The following DRC11L variants were observed in gnomAD, a reference collection of about 807,000 sequenced individuals.
The protein encoded by DRC11L is dynein regulatory complex subunit like-11.
the DRC11L span, among the ~76,000 whole-genome samples, chr7:151,199,893 G>A: frequency 1.3e-5 from 2 of 152,382 alleles, no homozygotes; most frequent in South Asian, 4.1e-4. This position sits in a 1 kb window ranked among gnomAD's most constrained non-coding sequence, Gnocchi z 5.2. Flanking sequence ...GATTCAAGGA[G>A]CCAGGCCTAC....
chr7:151,204,671 G>A, the DRC11L span: 19,947 of 399,010 alleles, frequency 0.05, 794 homozygotes, highest in East Asian at 0.15. Flanking sequence ...GGTCATAGAC[G>A]GTGTCGAAGC....
chr7:151,196,620 T>G, the DRC11L span: 1 of 399,500 alleles, frequency 2.5e-6, no homozygotes, highest in African/African-American at 2.1e-5. Flanking sequence ...CATGCATTCA[T>G]GCGTGCACAA....
the DRC11L span, among the ~76,000 whole-genome samples, chr7:151,199,221 T>C: frequency 6.6e-6 from 1 of 152,106 alleles, no homozygotes; most frequent in African/African-American, 2.4e-5. This position sits in a 1 kb window ranked among gnomAD's most constrained non-coding sequence, Gnocchi z 5.2. Context: ...TAAATTACTC[T>C]AATAATGAGT....
the DRC11L span, chr7:151,204,760 G>A: frequency 5.0e-6 from 2 of 398,968 alleles, no homozygotes; most frequent in African/African-American, 2.1e-5. Context: ...TCGGGCGCAG[G>A]TTCGAGCAGA....
chr7:151,193,906 C>CAAA, the DRC11L span, among the ~76,000 whole-genome samples: 16 of 116,298 alleles, frequency 1.4e-4, 1 homozygote, highest in Admixed American at 5.5e-4. Context: ...GACTCTATCT[C>CAAA]AAAAAAAAAA....
chr7:151,203,494 G>A, the DRC11L span: 1 of 398,998 alleles, frequency 2.5e-6, no homozygotes, highest in African/African-American at 2.1e-5. Context: ...AGTATTTGGG[G>A]ATTGGAACCT....
At chr7:151,192,321 C>T in the DRC11L span, 5 of 398,976 alleles carry the variant, frequency 1.3e-5, no homozygotes, top group African/African-American at 2.1e-5. Context: ...AGGATCCGCT[C>T]GTAGACCCGG....
At chr7:151,193,506 T>A in the DRC11L span, 1 of 398,990 alleles carries the variant, frequency 2.5e-6, no homozygotes, top group Non-Finnish European at 4.4e-6. Flanking sequence ...AGCAAGGAAA[T>A]GGGCCAGAGC....
At chr7:151,195,697 G>T in the DRC11L span, 1 of 399,360 alleles carries the variant, frequency 2.5e-6, no homozygotes, top group East Asian at 3.6e-5. Context: ...GTGGCCTGGG[G>T]CTGGGAGGAC....
At chr7:151,203,576 C>T in the DRC11L span, 5 of 398,180 alleles carry the variant, frequency 1.3e-5, no homozygotes, top group Non-Finnish European at 2.2e-5. Flanking sequence ...CTGGCCGATC[C>T]GTTACCATTT....
At chr7:151,193,616 A>C in the DRC11L span, 11 of 398,260 alleles carry the variant, frequency 2.8e-5, no homozygotes, top group Non-Finnish European at 4.4e-5. Flanking sequence ...CACAGGGCAT[A>C]CTACCTTCCC....
At chr7:151,203,525 A>G in the DRC11L span, 4 of 398,876 alleles carry the variant, frequency 1.0e-5, no homozygotes, top group Non-Finnish European at 1.8e-5. Flanking sequence ...CTTTGGAGCA[A>G]TGTTGGGGGA....
At chr7:151,198,677 G>T in the DRC11L span, 10 of 397,444 alleles carry the variant, frequency 2.5e-5, no homozygotes, top group Non-Finnish European at 4.4e-5. Flanking sequence ...GGGTAGAGGA[G>T]AAAAGGCCCC....
At chr7:151,193,117 C>T in the DRC11L span, 1 of 397,716 alleles carries the variant, frequency 2.5e-6, no homozygotes, top group Non-Finnish European at 4.4e-6. Flanking sequence ...CATTCCCCCA[C>T]CACAGGGGCT....
the DRC11L span, chr7:151,197,884 C>G: frequency 2.5e-6 from 1 of 399,334 alleles, no homozygotes; most frequent in Non-Finnish European, 4.4e-6. Context: ...TCTGGATAAT[C>G]AGGGAACCGG....
At chr7:151,193,687 T>G in the DRC11L span, among the ~76,000 whole-genome samples, 1 of 152,076 alleles carries the variant, frequency 6.6e-6, no homozygotes, top group Non-Finnish European at 1.5e-5. Flanking sequence ...GCAGGAAATT[T>G]TGAATGGCTT....
chr7:151,193,606 C>A, the DRC11L span: 1 of 398,412 alleles, frequency 2.5e-6, no homozygotes, highest in South Asian at 1.4e-4. Context: ...AGGTGCAGAT[C>A]ACAGGGCATA....
chr7:151,193,565 G>A, the DRC11L span: 13 of 399,094 alleles, frequency 3.3e-5, no homozygotes, highest in Non-Finnish European at 5.3e-5. Context: ...GACTGCGTAA[G>A]GTCAGGCCAA....
the DRC11L span, chr7:151,191,785 C>A: frequency 1.3e-5 from 5 of 399,086 alleles, no homozygotes; most frequent in East Asian, 7.1e-5. Context: ...TGTGACCCGG[C>A]GTGTAGCCAT....
Sources: gnomAD v4.1 joint callset for allele counts (sites outside exome capture counted in the v4.1 genomes callset) on GRCh38, gnomAD v4.1.1 for gene constraint, Gnocchi (gnomAD v3.1) non-coding constraint, MANE v1.5 for transcripts, NCBI Gene and HGNC (gene_info 2026-07-23, HGNC 2026-07-21) for gene names.